PPM1L: variants seen among roughly 807,000 people sequenced by gnomAD.
PPM1L encodes protein phosphatase, Mg2+/Mn2+ dependent 1L, also known as protein phosphatase 1L.
Under a neutral mutation model 31.4 loss-of-function variants are expected in PPM1L, and 13 were observed. The ratio of observed to expected loss-of-function variants is 0.41; its 90% CI spans 0.27 to 0.66. The LOEUF is 0.66. PPM1L is among the 30% of genes least tolerant of loss of function. The probability of loss-of-function intolerance (pLI) is 0.29; values close to 1 mark genes in which losing one functional copy is unlikely to be tolerated. For missense variants in PPM1L, 326 were observed against 453.7 expected, an observed-to-expected ratio of 0.72 and a Z score of 2.56; for synonymous variants, 184 against 175.4, an observed-to-expected ratio of 1.05 and a Z score of -0.39.
At chr3:160,853,329 A>G (rs1711583651) in intron 1 of PPM1L, among the ~76,000 whole-genome samples, 2 of 152,216 alleles carry the variant, frequency 1.3e-5, no homozygotes, top group Non-Finnish European at 1.5e-5. Flanking sequence ...TTATTGCTCC[A>G]TAGATTTAGA....
intron 1 of PPM1L, among the ~76,000 whole-genome samples, chr3:160,896,193 C>A (rs1409317810): frequency 6.6e-6 from 1 of 151,988 alleles, no homozygotes; most frequent in Non-Finnish European, 1.5e-5. Flanking sequence ...CTTTGAATTA[C>A]TTATTTAAAG....
At chr3:160,933,641 A>G (rs1190870242) in intron 1 of PPM1L, among the ~76,000 whole-genome samples, 13 of 152,096 alleles carry the variant, frequency 8.5e-5, no homozygotes, top group Admixed American at 8.5e-4. Flanking sequence ...AATTTGCAGC[A>G]TGCAAATAGA....
chr3:160,859,908 C>T (rs1711834234), intron 1 of PPM1L, among the ~76,000 whole-genome samples: 1 of 152,176 alleles, frequency 6.6e-6, no homozygotes, highest in Non-Finnish European at 1.5e-5. Flanking sequence ...GTCCTGGCTC[C>T]ACCCTTTATT....
chr3:160,848,602 C>A (rs757235474), intron 1 of PPM1L, among the ~76,000 whole-genome samples: 38 of 152,332 alleles, frequency 2.5e-4, no homozygotes, highest in Middle Eastern at 3.4e-3. Flanking sequence ...CTACCTTGCA[C>A]TGGGGCATCT....
intron 2 of PPM1L, among the ~76,000 whole-genome samples, chr3:161,019,295 G>A (rs1208159278): frequency 1.3e-5 from 2 of 152,146 alleles, no homozygotes; most frequent in African/African-American, 4.8e-5. Context: ...CTGGGTTCAA[G>A]TGATTCTCCC....
chr3:160,851,596 A>G (rs1711528251), intron 1 of PPM1L, among the ~76,000 whole-genome samples: 1 of 152,358 alleles, frequency 6.6e-6, no homozygotes, highest in African/African-American at 2.4e-5. Context: ...TAAAATATTG[A>G]AAACATTTAT....
chr3:160,786,056 C>A (rs1711907253), intron 1 of PPM1L, among the ~76,000 whole-genome samples: 1 of 149,948 alleles, frequency 6.7e-6, no homozygotes, highest in African/African-American at 2.5e-5. Context: ...CTAAATCCCA[C>A]TTTCATGCCA....
intron 1 of PPM1L, among the ~76,000 whole-genome samples, chr3:160,858,888 A>T (rs1436065235): frequency 6.6e-6 from 1 of 152,126 alleles, no homozygotes; most frequent in Non-Finnish European, 1.5e-5. Flanking sequence ...CCTGTACTTG[A>T]AAAAGTTCCT....
chr3:160,897,888 C>T (rs144980551), intron 1 of PPM1L, among the ~76,000 whole-genome samples: 5 of 152,314 alleles, frequency 3.3e-5, no homozygotes, highest in Non-Finnish European at 5.9e-5. Context: ...ACTCACTTAG[C>T]AAGACCCTTT....
chr3:160,883,498 A>G (rs539935131), intron 1 of PPM1L, among the ~76,000 whole-genome samples: 4 of 152,162 alleles, frequency 2.6e-5, no homozygotes, highest in African/African-American at 9.6e-5. Flanking sequence ...CTGCATTACT[A>G]TTGTTTCCCA....
chr3:161,004,052 G>A (rs1166826918), intron 2 of PPM1L, among the ~76,000 whole-genome samples: 18 of 145,240 alleles, frequency 1.2e-4, no homozygotes, highest in South Asian at 6.8e-4. Flanking sequence ...AGCATGAAGC[G>A]TTGTTGAATT....
chr3:161,069,162 TTCA>T lies in PPM1L; in HGVS notation c.*6_*8del, dbSNP rs769966177. The T allele has an allele frequency of 1.2e-6, 2 of 1,603,592 alleles. No homozygotes were observed. The highest frequency in any genetic ancestry group is 8.5e-7 in the Non-Finnish European group (1 of 1,173,974). ...AGCAAAACAGAAGAGCAGTGAACCC[TTCA>T]GGGGTCTCAGCTGCCTTAGACTAAA... On this transcript the variant is annotated 3_prime_UTR_variant, in exon 4 of 4. Coordinates refer to ENST00000498165, the MANE Select transcript of PPM1L (RefSeq NM_139245.4).
intron 1 of PPM1L, among the ~76,000 whole-genome samples, chr3:160,897,037 T>C (rs1713356554): frequency 7.0e-6 from 1 of 142,080 alleles, no homozygotes; most frequent in African/African-American, 2.6e-5. Flanking sequence ...CTATGACTAC[T>C]GACTCTTTTT....
At chr3:160,781,296 G>A (rs1375862692) in intron 1 of PPM1L, among the ~76,000 whole-genome samples, 1 of 152,078 alleles carries the variant, frequency 6.6e-6, no homozygotes, top group African/African-American at 2.4e-5. Flanking sequence ...CTTATTATAT[G>A]CTTTTATTTT....
intron 1 of PPM1L, chr3:160,842,178 A>C (rs979899376): frequency 5.8e-6 from 4 of 689,392 alleles, no homozygotes; most frequent in Non-Finnish European, 7.9e-6. Context: ...GGGAGGACTC[A>C]TGCAGGAGCT....
At chr3:161,016,658 A>G (rs1025053283) in intron 2 of PPM1L, among the ~76,000 whole-genome samples, 16 of 152,234 alleles carry the variant, frequency 1.1e-4, no homozygotes, top group Admixed American at 9.8e-4. Flanking sequence ...AGGGCGAGGC[A>G]TGGTACAAAT....
intron 1 of PPM1L, among the ~76,000 whole-genome samples, chr3:160,904,837 T>C (rs1713688382): frequency 6.6e-6 from 1 of 152,152 alleles, no homozygotes; most frequent in Non-Finnish European, 1.5e-5. Flanking sequence ...TCTTTCACGA[T>C]ATGAGTGGCT....
At chr3:160,865,595 T>A (rs1296759569) in intron 1 of PPM1L, among the ~76,000 whole-genome samples, 6 of 152,154 alleles carry the variant, frequency 3.9e-5, no homozygotes, top group African/African-American at 1.4e-4. Context: ...GCCAACATGG[T>A]GAAACCCTGT....
intron 2 of PPM1L, among the ~76,000 whole-genome samples, chr3:161,001,678 C>G (rs1717487862): frequency 6.6e-6 from 1 of 151,964 alleles, no homozygotes; most frequent in East Asian, 1.9e-4. Flanking sequence ...TTTTTTTCTT[C>G]TATCAAAGCT....
Sources: allele counts gnomAD v4.1 joint callset (sites outside exome capture counted in the v4.1 genomes callset), GRCh38; gene constraint gnomAD v4.1.1; transcripts MANE v1.5; gene names NCBI Gene and HGNC (gene_info 2026-07-23, HGNC 2026-07-21).